ESRRB: variants seen among roughly 807,000 people sequenced by gnomAD.
ESRRB encodes the protein estrogen related receptor beta.
In ESRRB, 16 loss-of-function variants were observed where a neutral mutation model predicts 46.0. The ratio of observed to expected loss-of-function variants is 0.35; its 90% CI spans 0.24 to 0.53. ESRRB has a LOEUF of 0.53. ESRRB is among the 20% of genes least tolerant of loss of function. The pLI, the probability that ESRRB is intolerant of heterozygous loss-of-function variation, is 0.93. For missense variants in ESRRB, 488 were observed against 607.4 expected (o/e 0.80, Z 2.07); for synonymous variants, 246 against 259.6 (o/e 0.95, Z 0.50).
At chr14:76,430,123 C>A (rs1233168692) in intron 1 of ESRRB, among the ~76,000 whole-genome samples, 2 of 152,108 alleles carry the variant, frequency 1.3e-5, no homozygotes, top group African/African-American at 2.4e-5. Flanking sequence ...ACATGGTCCT[C>A]CCCATCCTAC....
rs571523566 is a variant in ESRRB at position 76,324,742 on chromosome 14, G to A, written c.2+13826G>A. Among the ~76,000 whole-genome samples, 18 of 152,232 alleles carry A rather than the reference G, an allele frequency of 1.2e-4. No homozygotes were observed. The East Asian group carries it at 3.1e-3, about 26-fold the overall frequency. ...AGGGGAATCACTCACTGCCACATAC[G>A]TACGCTTGGTGGAGGGCTGTACACA... On this transcript the variant is annotated intron_variant, in intron 1 of 6. Coordinates refer to the ESRRB transcript ENST00000512784.
At position 76,376,491 on chromosome 14, in the gene ESRRB, G is replaced by C; in HGVS notation, c.50+40G>C. 2 of 1,216,404 alleles carry C rather than the reference G, an allele frequency of 1.6e-6. No homozygotes were observed. The highest frequency in any genetic ancestry group is 2.1e-6 in the Non-Finnish European group (2 of 974,020). 75.4% of individuals were successfully genotyped at this position (1,216,404 alleles called of 1,614,324 possible). On this transcript the variant is annotated intron_variant, in intron 1 of 6. Coordinates refer to ENST00000644823, the MANE Select transcript of ESRRB (RefSeq NM_001379180.1). This position sits in a 1 kb window ranked among gnomAD's most constrained non-coding sequence, Gnocchi z 4.1. Reference sequence around the variant, plus strand: ...TCTCGGTCTGTCTGTCCTTCTGCCCGTCTGGCAGTCTCTGTCCTGGGGATC... The same window carrying C: ...TCTCGGTCTGTCTGTCCTTCTGCCCCTCTGGCAGTCTCTGTCCTGGGGATC...
At chr14:76,408,939 A>G (rs913451433) in intron 1 of ESRRB, among the ~76,000 whole-genome samples, 2 of 152,190 alleles carry the variant, frequency 1.3e-5, no homozygotes, top group Non-Finnish European at 2.9e-5. Context: ...GATAGGGCCT[A>G]TTGTTGTCAC....
intron 1 of ESRRB, among the ~76,000 whole-genome samples, chr14:76,393,391 G>T (rs565550284): frequency 6.6e-6 from 1 of 152,264 alleles, no homozygotes; most frequent in Admixed American, 6.5e-5. Flanking sequence ...TTTCCTCTGT[G>T]CCAGCTACTT....
At chr14:76,410,778 T>A (rs1886401495) in intron 1 of ESRRB, among the ~76,000 whole-genome samples, 2 of 150,880 alleles carry the variant, frequency 1.3e-5, no homozygotes, top group African/African-American at 4.9e-5. Flanking sequence ...TTTCTTCTTA[T>A]TTTTTTTTAT....
At chr14:76,396,500 A>T (rs559909648) in intron 1 of ESRRB, among the ~76,000 whole-genome samples, 1 of 152,226 alleles carries the variant, frequency 6.6e-6, no homozygotes, top group South Asian at 2.1e-4. Context: ...TAATGAAAAC[A>T]ATTTTAATGT....
At chr14:76,476,639 C>T (rs570257161) in intron 3 of ESRRB, among the ~76,000 whole-genome samples, 3 of 152,342 alleles carry the variant, frequency 2.0e-5, no homozygotes, top group Non-Finnish European at 2.9e-5. Context: ...TAGCTAGCAG[C>T]GTAAGCATGG....
chr14:76,356,751 T>C (rs1017117322), intron 1 of ESRRB, among the ~76,000 whole-genome samples: 11 of 152,226 alleles, frequency 7.2e-5, no homozygotes, highest in Non-Finnish European at 1.6e-4. Context: ...AAGCAATGCA[T>C]GAATAAATAA....
intron 1 of ESRRB, among the ~76,000 whole-genome samples, chr14:76,395,947 A>C (rs1253583054): frequency 6.6e-6 from 1 of 151,846 alleles, no homozygotes; most frequent in African/African-American, 2.4e-5. Flanking sequence ...AGCTGAGGCA[A>C]GTGGACCACA....
At chr14:76,458,383 T>C (rs1188908985) in intron 2 of ESRRB, among the ~76,000 whole-genome samples, 1 of 147,486 alleles carries the variant, frequency 6.8e-6, no homozygotes, top group East Asian at 2.0e-4. Context: ...TAAAATAAAT[T>C]GAAAGGAACC....
chr14:76,349,975 C>T (rs1022750692), intron 1 of ESRRB, among the ~76,000 whole-genome samples: 3 of 152,208 alleles, frequency 2.0e-5, no homozygotes, highest in Admixed American at 6.5e-5. Context: ...ACTATTCTCT[C>T]TGCCACCTCA....
Position 76,387,120 on chromosome 14 carries a change from A to T in ESRRB, c.50+10669A>T, listed in dbSNP as rs150042971. ...CAGGAGGCTGAGGGGAAGCAGCCCAAATCAGTGTTAGGTGGTGGATCAGGG... is the reference window on the plus strand; with the variant it reads ...CAGGAGGCTGAGGGGAAGCAGCCCATATCAGTGTTAGGTGGTGGATCAGGG... On this transcript the variant is annotated intron_variant, in intron 1 of 6. Coordinates refer to ENST00000644823, the MANE Select transcript of ESRRB (RefSeq NM_001379180.1). Among the ~76,000 whole-genome samples, 544 of 152,246 alleles carry T rather than the reference A, an allele frequency of 3.6e-3. 6 individuals are homozygous for T. Among genetic ancestry groups the T allele is most frequent in the African/African-American group, 0.012 (506 of 41,538 alleles).
At chr14:76,341,448 C>G (rs529239979) in intron 1 of ESRRB, among the ~76,000 whole-genome samples, 10 of 152,218 alleles carry the variant, frequency 6.6e-5, no homozygotes, top group African/African-American at 2.4e-4. Context: ...AGGTTTCACC[C>G]GGCTCTCCTG....
At chr14:76,410,515 T>G (rs1886389639) in intron 1 of ESRRB, among the ~76,000 whole-genome samples, 1 of 152,150 alleles carries the variant, frequency 6.6e-6, no homozygotes, top group Non-Finnish European at 1.5e-5. Context: ...ACAGCTTTCT[T>G]AATCCCTCCA....
chr14:76,382,334 G>A (rs1400778167), intron 1 of ESRRB, among the ~76,000 whole-genome samples: 1 of 152,214 alleles, frequency 6.6e-6, no homozygotes, highest in Admixed American at 6.5e-5. Context: ...TTCGTCCATG[G>A]TGCAAAGGGG....
At chr14:76,443,144 C>T (rs974065582) in intron 2 of ESRRB, among the ~76,000 whole-genome samples, 1 of 151,980 alleles carries the variant, frequency 6.6e-6, no homozygotes, top group Non-Finnish European at 1.5e-5. Context: ...TAAATGAGCC[C>T]TTTTAAAAAA....
Position 76,354,163 on chromosome 14 carries a change from G to A in ESRRB, c.2+43247G>A, listed in dbSNP as rs181045785. ...ATCTGGAATGCCCTTCCTCACCCCC[G>A]GGAAATCTGCTTGGCCAACTCCTCT... On this transcript the variant is annotated intron_variant, in intron 1 of 6. Transcript: ENST00000512784. Among the ~76,000 whole-genome samples the A allele has an allele frequency of 2.7e-3, 405 of 149,950 alleles. 1 individual carries two copies. Among genetic ancestry groups the A allele is most frequent in the African/African-American group, 9.7e-3 (389 of 40,282 alleles).
At chr14:76,435,242 T>A (rs542761418) in intron 1 of ESRRB, among the ~76,000 whole-genome samples, 1 of 152,304 alleles carries the variant, frequency 6.6e-6, no homozygotes, top group Admixed American at 6.5e-5. Context: ...GCTGTGGCCC[T>A]CTGGGGGTCT....
At chr14:76,462,426 A>T in intron 2 of ESRRB, 119 bp from the exon 3 acceptor site, 1 of 738,488 alleles carries the variant, frequency 1.4e-6, no homozygotes, top group Non-Finnish European at 2.4e-6. Flanking sequence ...CTGCTTTGAG[A>T]ACACTAGGGG....
Sources: allele counts gnomAD v4.1 joint callset (sites outside exome capture counted in the v4.1 genomes callset), GRCh38; gene constraint gnomAD v4.1.1; non-coding constraint Gnocchi (gnomAD v3.1); transcripts MANE v1.5; gene names NCBI Gene and HGNC (gene_info 2026-07-23, HGNC 2026-07-21).